Variants in ARHGAP18 observed in about 807,000 individuals in gnomAD.
The protein encoded by ARHGAP18 is Rho GTPase activating protein 18, also known as rho GTPase-activating protein 18.
In ARHGAP18, 67 loss-of-function variants were observed where a neutral mutation model predicts 86.2. The ratio of observed to expected loss-of-function variants is 0.78; its 90% CI spans 0.64 to 0.95. The LOEUF (loss-of-function observed/expected upper bound fraction) is 0.95, where lower values mean the gene tolerates loss of function less well. ARHGAP18 is among the 40% of genes least tolerant of loss of function. The pLI is 0.00. For missense variants in ARHGAP18, 691 were observed against 780.4 expected (o/e 0.89, Z 1.37); for synonymous variants, 283 against 280.4 (o/e 1.01, Z -0.09).
chr6:129,661,636 C>A (rs1306042993), intron 1 of ARHGAP18, among the ~76,000 whole-genome samples: 1 of 152,076 alleles, frequency 6.6e-6, no homozygotes, highest in African/African-American at 2.4e-5. Flanking sequence ...GCCACAGTCT[C>A]CTCCGCTGTA....
At chr6:129,628,675 A>G (rs1773097691) in intron 5 of ARHGAP18, among the ~76,000 whole-genome samples, 1 of 152,154 alleles carries the variant, frequency 6.6e-6, no homozygotes, top group East Asian at 1.9e-4. Flanking sequence ...GTATAACTTG[A>G]ATCCAGTCCT....
At chr6:129,657,523 G>A (rs1198672662) in intron 1 of ARHGAP18, among the ~76,000 whole-genome samples, 2 of 151,544 alleles carry the variant, frequency 1.3e-5, no homozygotes, top group African/African-American at 4.9e-5. Flanking sequence ...TATTTCAAGA[G>A]ACATTTTGCT....
At chr6:129,624,603 T>TG (rs1278384619) in intron 5 of ARHGAP18, among the ~76,000 whole-genome samples, 1 of 151,902 alleles carries the variant, frequency 6.6e-6, no homozygotes, top group East Asian at 1.9e-4. Context: ...AGGCCACACT[T>TG]GCATACTCTT....
intron 6 of ARHGAP18, among the ~76,000 whole-genome samples, chr6:129,617,601 C>T (rs977029362): frequency 3.3e-5 from 5 of 151,948 alleles, no homozygotes; most frequent in African/African-American, 4.8e-5. Context: ...AACAACTTAA[C>T]GTTTCTTTGC....
At chr6:129,626,585 A>C (rs892369751) in intron 5 of ARHGAP18, among the ~76,000 whole-genome samples, 7 of 151,920 alleles carry the variant, frequency 4.6e-5, no homozygotes, top group African/African-American at 1.4e-4. Flanking sequence ...TTAACGATAC[A>C]AAGAGTAACA....
At chr6:129,648,741 A>C (rs916606859) in intron 1 of ARHGAP18, among the ~76,000 whole-genome samples, 1 of 152,128 alleles carries the variant, frequency 6.6e-6, no homozygotes, top group Non-Finnish European at 1.5e-5. Flanking sequence ...TAGAAAAAAA[A>C]AGCATGTTTC....
At position 129,607,978 on chromosome 6, in the gene ARHGAP18, G is replaced by A. The variant is rs1788888677; in HGVS notation, c.1197C>T (p.Ala399=). The change falls in exon 9 of 15, where the codon GCC becomes GCT. Residue 399 remains alanine (A), a synonymous_variant. Coordinates refer to ENST00000368149, the MANE Select transcript of ARHGAP18 (RefSeq NM_033515.3). ...GAATGAAGAGCTTCAGCAGGCTGGC[G>A]GCATCATGCTGTTTGACACTTTCCC... is the stretch of plus-strand genomic sequence containing the variant. ...FNWESVKQHD[A]ASLLKLFIRE... The A allele has an allele frequency of 5.6e-6, 9 of 1,612,088 alleles. No individual in the cohort carries two copies. Among genetic ancestry groups the A allele is most frequent in the Non-Finnish European group, 7.6e-6 (9 of 1,179,316 alleles).
intron 1 of ARHGAP18, among the ~76,000 whole-genome samples, chr6:129,670,688 CTTT>C (rs11350669): frequency 1.2e-3 from 170 of 137,954 alleles, no homozygotes; most frequent in African/African-American, 2.3e-3. Context: ...AGTCGTAACT[CTTT>C]TTTTTTTTTT....
Position 129,607,919 on chromosome 6 carries a change from T to G in ARHGAP18, c.1256A>C (p.Tyr419Ser). 6.2e-7 allele frequency: 1 copy of G among 1,611,242 alleles called. No individual in the cohort carries two copies. The highest frequency in any genetic ancestry group is 8.5e-7 in the Non-Finnish European group (1 of 1,179,038). The change falls in exon 9 of 15, where the codon TAT (tyrosine) becomes TCT (serine). Residue 419 changes from tyrosine to serine, a missense_variant. Coordinates refer to ENST00000368149, the MANE Select transcript of ARHGAP18 (RefSeq NM_033515.3). Reference protein sequence around the residue: ...ELPQPLLSVEYLKAFQAVQNL... With the variant: ...ELPQPLLSVESLKAFQAVQNL... ...CTGGACAGCCTGAAAGGCTTTGAGATACTCCACACTGAGCAGTGGCTGGGG... is the reference window on the plus strand; with the variant it reads ...CTGGACAGCCTGAAAGGCTTTGAGAGACTCCACACTGAGCAGTGGCTGGGG...
chr6:129,651,780 A>G (rs17755387), intron 1 of ARHGAP18, among the ~76,000 whole-genome samples: 28,243 of 152,106 alleles, frequency 0.19, 2,871 homozygotes, highest in Non-Finnish European at 0.22. Flanking sequence ...ATTTAGACCA[A>G]TAATTTGAGG....
At chr6:129,583,966 T>C in intron 13 of ARHGAP18, 22 bp downstream of exon 13, 1 of 1,609,646 alleles carries the variant, frequency 6.2e-7, no homozygotes. Context: ...CATGGCATAA[T>C]TAACACAAAA....
intron 12 of ARHGAP18, among the ~76,000 whole-genome samples, chr6:129,593,965 GT>G (rs1788566298): frequency 6.6e-6 from 1 of 152,104 alleles, no homozygotes; most frequent in Non-Finnish European, 1.5e-5. Flanking sequence ...TAAACGGTTA[GT>G]TTTAATAGCA....
chr6:129,655,023 C>T (rs147049435), intron 1 of ARHGAP18, among the ~76,000 whole-genome samples: 5 of 152,208 alleles, frequency 3.3e-5, no homozygotes, highest in Non-Finnish European at 5.9e-5. Flanking sequence ...AGCTATTGAA[C>T]GGAAAGGAGA....
At chr6:129,627,191 TC>T (rs1344908061) in intron 5 of ARHGAP18, among the ~76,000 whole-genome samples, 1 of 152,112 alleles carries the variant, frequency 6.6e-6, no homozygotes. Context: ...CATTAATTGG[TC>T]ACAGGTGAAA....
chr6:129,638,953 C>T (rs570686348), intron 2 of ARHGAP18, among the ~76,000 whole-genome samples: 1 of 152,288 alleles, frequency 6.6e-6, no homozygotes, highest in Admixed American at 6.5e-5. Context: ...TTACTTCCAT[C>T]AAGTTACAGA....
At position 129,637,111 on chromosome 6, in the gene ARHGAP18, C is replaced by T. The variant is rs574072447; in HGVS notation, c.552+1283G>A. Among the ~76,000 whole-genome samples the T allele has an allele frequency of 4.0e-5, 6 of 151,736 alleles. No homozygotes were observed. In the South Asian group the frequency reaches 8.3e-4, roughly 21 times the overall value. ...ATGGAGTCTCACTTTGTCACCCAGC[C>T]TGGAGTGCGGTGGCATGAACACAGC... On this transcript the variant is annotated intron_variant, in intron 3 of 14. Transcript: ENST00000368149.
intron 1 of ARHGAP18, among the ~76,000 whole-genome samples, chr6:129,643,284 T>TG (rs1184501607): frequency 1.1e-4 from 16 of 152,258 alleles, no homozygotes; most frequent in African/African-American, 3.6e-4. Flanking sequence ...CCATGAGTCC[T>TG]GGGGGGACCC....
intron 13 of ARHGAP18, among the ~76,000 whole-genome samples, chr6:129,583,239 G>T (rs1788324048): frequency 6.6e-6 from 1 of 152,168 alleles, no homozygotes; most frequent in Non-Finnish European, 1.5e-5. Context: ...CTGAAAATGA[G>T]GCTGGAGGAG....
chr6:129,664,735 T>A (rs1388717465), intron 1 of ARHGAP18, among the ~76,000 whole-genome samples: 1 of 152,234 alleles, frequency 6.6e-6, no homozygotes, highest in African/African-American at 2.4e-5. Context: ...CAGTCCGTGG[T>A]CTGATGAAAC....
Sources: allele counts gnomAD v4.1 joint callset (sites outside exome capture counted in the v4.1 genomes callset), GRCh38; gene constraint gnomAD v4.1.1; transcripts MANE v1.5; gene names NCBI Gene and HGNC (gene_info 2026-07-23, HGNC 2026-07-21).